Variants in TCFL5 observed in about 807,000 individuals in gnomAD.
The protein encoded by TCFL5 is transcription factor like 5, also known as transcription factor-like 5 protein.
In TCFL5, 9 loss-of-function variants were observed where a neutral mutation model predicts 44.3. The ratio of observed to expected loss-of-function variants is 0.20; its 90% CI spans 0.12 to 0.35. The LOEUF (loss-of-function observed/expected upper bound fraction) is 0.35. Ranked by LOEUF, TCFL5 falls within the 10% of genes least tolerant of loss-of-function variation. TCFL5 has a pLI of 1.00. For missense variants in TCFL5, 603 were observed against 613.4 expected, an observed-to-expected ratio of 0.98 and a Z score of 0.18; for synonymous variants, 319 against 271.6, an observed-to-expected ratio of 1.17 and a Z score of -1.72.
At chr20:62,850,118 A>C (rs544092734) in intron 5 of TCFL5, among the ~76,000 whole-genome samples, 1 of 152,264 alleles carries the variant, frequency 6.6e-6, no homozygotes, top group Admixed American at 6.5e-5. Flanking sequence ...ATTCTGTGGA[A>C]GGCCTGTCTT....
intron 5 of TCFL5, among the ~76,000 whole-genome samples, 179 bp downstream of exon 5, chr20:62,853,837 T>C (rs1210858182): frequency 6.6e-6 from 1 of 152,220 alleles, no homozygotes; most frequent in Admixed American, 6.5e-5. Context: ...GCTGTGACTA[T>C]TACTTTAATA....
Position 62,859,424 on chromosome 20 carries a change from T to C in TCFL5, c.934A>G (p.Lys312Glu). The C allele has an allele frequency of 1.2e-6, 2 of 1,614,078 alleles. No individual in the cohort carries two copies. The highest frequency in any genetic ancestry group is 2.2e-5 in the South Asian group (2 of 91,072). Residue 312 changes from lysine (K) to glutamate (E), a missense_variant, in exon 3 of 6, where the codon AAA becomes GAA. Physicochemically the swap from Lys to Glu is moderately conservative, Grantham distance 56. Around this residue, in one of 4 missense-constraint regions of TCFL5, gnomAD observed 540 missense variants for 478.7 expected, o/e 1.13. Transcript: ENST00000335351. ...FCYQQEIEST[K>E]QTLGSRNKVL... is the part of the protein sequence containing the mutation. ...TTGTTTCTACTACCTAACGTCTGTT[T>C]AGTGGATTCAATTTCTTGCTGATAA...
intron 5 of TCFL5, among the ~76,000 whole-genome samples, chr20:62,848,594 C>A (rs138639498): frequency 1.3e-5 from 2 of 151,284 alleles, no homozygotes; most frequent in Non-Finnish European, 2.9e-5. Context: ...AAAAATTAGC[C>A]GGGCGTGGTG....
intron 5 of TCFL5, chr20:62,852,839 C>A: frequency 7.8e-7 from 1 of 1,289,508 alleles, no homozygotes; most frequent in African/African-American, 1.5e-5. Context: ...TATAGTCAAC[C>A]AGTCCACAAA....
At chr20:62,850,981 T>C (rs2063802770) in intron 5 of TCFL5, among the ~76,000 whole-genome samples, 1 of 152,194 alleles carries the variant, frequency 6.6e-6, no homozygotes, top group African/African-American at 2.4e-5. Flanking sequence ...CCTCCCTCCA[T>C]GCCAGACATG....
chr20:62,842,281 T>C lies in TCFL5; in HGVS notation c.1381-184A>G, dbSNP rs2063687845. Among the ~76,000 whole-genome samples, 1 of 76,218 alleles carries C rather than the reference T, an allele frequency of 1.3e-5. No individual in the cohort carries two copies. The highest frequency in any genetic ancestry group is 5.8e-5 in the African/African-American group (1 of 17,170). The allele number at this position is 76,218 out of a possible 152,430, so 50.0% of individuals were successfully genotyped here. A position where few individuals can be genotyped will look rare whatever the true frequency, so the allele number is the denominator to read the frequency against. On this transcript the variant is annotated intron_variant, in intron 5 of 5. Coordinates refer to ENST00000335351, the MANE Select transcript of TCFL5 (RefSeq NM_006602.4). The surrounding 1 kb of genome is among the most constrained non-coding windows in gnomAD (Gnocchi z 4.3). ...ATTTATATAATAAACAGATTTTAAC[T>C]TTTTTTTTTTCAAATAGCAGTTACA...
At chr20:62,850,461 G>GCCTTTTT (rs936007601) in intron 5 of TCFL5, among the ~76,000 whole-genome samples, 3 of 151,666 alleles carry the variant, frequency 2.0e-5, no homozygotes, top group African/African-American at 7.3e-5. Flanking sequence ...AAACCCTGAC[G>GCCTTTTT]CCTTTTTCCC....
intron 5 of TCFL5, chr20:62,845,768 C>A: frequency 6.2e-7 from 1 of 1,605,976 alleles, no homozygotes; most frequent in Non-Finnish European, 8.5e-7. Context: ...TCTCCATCAC[C>A]AAGGAAGAGC....
chr20:62,843,661 G>A (rs1464628456), intron 5 of TCFL5, among the ~76,000 whole-genome samples: 2 of 152,186 alleles, frequency 1.3e-5, no homozygotes, highest in African/African-American at 4.8e-5. Flanking sequence ...GTGGAGCAGC[G>A]TGAAGTCCAC....
intron 3 of TCFL5, among the ~76,000 whole-genome samples, chr20:62,858,820 T>C (rs1334505293): frequency 7.5e-6 from 1 of 133,210 alleles, no homozygotes; most frequent in Non-Finnish European, 1.6e-5. Context: ...GCTACGCAGG[T>C]GTTTCCCAGG....
chr20:62,849,697 G>T (rs987472797), intron 5 of TCFL5, among the ~76,000 whole-genome samples: 19 of 152,268 alleles, frequency 1.2e-4, no homozygotes, highest in African/African-American at 4.3e-4. Context: ...GGTGGCTCAT[G>T]CTTGTAATCC....
At chr20:62,847,472 A>C (rs573164810) in intron 5 of TCFL5, among the ~76,000 whole-genome samples, 2 of 152,388 alleles carry the variant, frequency 1.3e-5, no homozygotes, top group African/African-American at 4.8e-5. Flanking sequence ...TGAATGACTG[A>C]GCCCCAGAAA....
At position 62,861,144 on chromosome 20, in the gene TCFL5, T is replaced by A; in HGVS notation, c.527A>T (p.Glu176Val). 5.0e-6 allele frequency: 5 copies of A among 1,003,322 alleles called. No homozygotes were observed. Among genetic ancestry groups the A allele is most frequent in the Non-Finnish European group, 5.9e-6 (5 of 844,428 alleles). The allele number at this position is 1,003,322 out of a possible 1,614,324, so 62.2% of individuals were successfully genotyped here. A position where few individuals can be genotyped will look rare whatever the true frequency, so the allele number is the denominator to read the frequency against. ...GCGCACGGCCGGCTTGGCCCGGGCC[T>A]CGGGCGCGCCGTCGGGTCCAGCCGC... The part of the protein sequence containing the change: ...AAAAGPDGAP[E>V]ARAKPAVRVR... Residue 176 changes from glutamate (E) to valine (V), a missense_variant, in exon 1 of 6, where the codon GAG becomes GTG. Physicochemically the swap from Glu to Val is moderately radical, Grantham distance 121. Transcript: ENST00000335351. This position sits in a 1 kb window ranked among gnomAD's most constrained non-coding sequence, Gnocchi z 4.0.
In TCFL5 at chr20:62,857,767, CAA is replaced by C. The variant is rs372847528; in HGVS notation, c.995-131_995-130del. On this transcript the variant is annotated intron_variant, in intron 3 of 5. Coordinates refer to ENST00000335351, the MANE Select transcript of TCFL5 (RefSeq NM_006602.4). ...GTAAGCAGCACAGAGAACCGAAACA[CAA>C]AGAGATGTACTAATGCAGTTTTTCA... is the stretch of plus-strand genomic sequence containing the variant. The C allele has an allele frequency of 1.0e-3, 1,181 of 1,134,592 alleles. 4 individuals are homozygous for C. Among genetic ancestry groups the C allele is most frequent in the African/African-American group, 7.5e-3 (484 of 64,234 alleles). The allele number at this position is 1,134,592 out of a possible 1,614,324, so 70.3% of individuals were successfully genotyped here. A position where few individuals can be genotyped will look rare whatever the true frequency, so the allele number is the denominator to read the frequency against.
At chr20:62,844,762 A>C in intron 5 of TCFL5, 1 of 513,392 alleles carries the variant, frequency 1.9e-6, no homozygotes, top group East Asian at 1.5e-4. Context: ...CACCCGGCTA[A>C]TTTTTGTTTT....
At chr20:62,845,684 G>C (rs2063732950) in intron 5 of TCFL5, 1 of 1,606,732 alleles carries the variant, frequency 6.2e-7, no homozygotes, top group Non-Finnish European at 8.5e-7. Flanking sequence ...TTCATGACGA[G>C]GTGGAAATCG....
intron 5 of TCFL5, among the ~76,000 whole-genome samples, chr20:62,851,095 T>C (rs1000644710): frequency 6.6e-6 from 1 of 152,222 alleles, no homozygotes; most frequent in African/African-American, 2.4e-5. Context: ...GAGAAATCAC[T>C]TAAAACTCTC....
At position 62,861,680 on chromosome 20, in the gene TCFL5, G is replaced by A. The variant is rs2064015187; in HGVS notation, c.-10C>T. On this transcript the variant is annotated 5_prime_UTR_variant, in exon 1 of 6. Transcript: ENST00000335351. The surrounding 1 kb of genome is among the most constrained non-coding windows in gnomAD (Gnocchi z 4.0). ...GTCCGGGGCCCGACATGGCGGCGCGGCGCGGCCCAACGGCGGCGAGGGCGA... is the reference window on the plus strand; with the variant it reads ...GTCCGGGGCCCGACATGGCGGCGCGACGCGGCCCAACGGCGGCGAGGGCGA... 7.7e-6 allele frequency: 4 copies of A among 517,816 alleles called. No individual in the cohort carries two copies. Among genetic ancestry groups the A allele is most frequent in the Non-Finnish European group, 9.9e-6 (4 of 405,222 alleles). 32.1% of individuals were successfully genotyped at this position (517,816 alleles called of 1,614,324 possible). A position where few individuals can be genotyped will look rare whatever the true frequency, so the allele number is the denominator to read the frequency against.
rs2063687791 is a variant in TCFL5, at chr20:62,842,277, TA to T, written c.1381-181del. 7.2e-6 allele frequency among the ~76,000 whole-genome samples: 1 copy of T among 139,300 alleles called. No individual in the cohort carries two copies. The highest frequency in any genetic ancestry group is 2.8e-5 in the African/African-American group (1 of 36,296). 91.4% of individuals were successfully genotyped at this position (139,300 alleles called of 152,430 possible). Reference sequence around the variant, plus strand: ...GGGGATTTATATAATAAACAGATTTTAACTTTTTTTTTTTCAAATAGCAGTT... The same window carrying T: ...GGGGATTTATATAATAAACAGATTTTACTTTTTTTTTTTCAAATAGCAGTT... On this transcript the variant is annotated intron_variant, in intron 5 of 5. Coordinates refer to ENST00000335351, the MANE Select transcript of TCFL5 (RefSeq NM_006602.4). The surrounding 1 kb of genome is among the most constrained non-coding windows in gnomAD (Gnocchi z 4.3).
Sources: allele counts gnomAD v4.1 joint callset (sites outside exome capture counted in the v4.1 genomes callset), GRCh38; gene constraint gnomAD v4.1.1; regional missense constraint gnomAD v4.1.1; non-coding constraint Gnocchi (gnomAD v3.1); transcripts MANE v1.5; gene names NCBI Gene and HGNC (gene_info 2026-07-23, HGNC 2026-07-21).